SPATS1: variants seen among roughly 807,000 people sequenced by gnomAD.
The protein encoded by SPATS1 is spermatogenesis associated serine rich 1, also known as spermatogenesis-associated serine-rich protein 1.
Under a neutral mutation model 33.6 loss-of-function variants are expected in SPATS1, and 23 were observed. That is an observed-to-expected ratio of 0.68 (90% CI 0.49 to 0.97). SPATS1 has a LOEUF of 0.97. Ranked by LOEUF, SPATS1 falls within the 50% of genes least tolerant of loss-of-function variation. SPATS1 has a pLI of 0.00. For missense variants in SPATS1, 327 were observed against 361.0 expected, an observed-to-expected ratio of 0.91 and a Z score of 0.76; for synonymous variants, 131 against 125.6, an observed-to-expected ratio of 1.04 and a Z score of -0.29.
chr6:44,362,138 G>C (rs1442892766), intron 5 of SPATS1, 146 bp downstream of exon 5: 2 of 1,011,708 alleles, frequency 2.0e-6, no homozygotes, highest in Non-Finnish European at 2.9e-6. Context: ...AAAAGTGAAG[G>C]GGACAGTTTG....
At position 44,367,722 on chromosome 6, in the gene SPATS1, A is replaced by G. The variant is rs144593713; in HGVS notation, c.575-657A>G. On this transcript the variant is annotated intron_variant, in intron 5 of 8. Transcript: ENST00000674044. ...GTTGATTTATTTATTTTAAATTTTA[A>G]TTTTTTAAATAGGCAATTTTAAGGA... 2.1e-3 allele frequency among the ~76,000 whole-genome samples: 317 copies of G among 152,256 alleles called. 2 individuals are homozygous for G. The highest frequency in any genetic ancestry group is 4.1e-3 in the Admixed American group (62 of 15,308).
intron 3 of SPATS1, among the ~76,000 whole-genome samples, chr6:44,355,108 C>T (rs1040752728): frequency 1.3e-5 from 2 of 152,204 alleles, no homozygotes; most frequent in South Asian, 2.1e-4. Context: ...CCACTGCTCC[C>T]AGCACATTAT....
chr6:44,348,453 C>CTT (rs549931034), intron 2 of SPATS1, among the ~76,000 whole-genome samples: 1 of 148,838 alleles, frequency 6.7e-6, no homozygotes, highest in Admixed American at 6.7e-5. Context: ...AGGGGTTACT[C>CTT]TTTTTTTTTT....
Position 44,369,998 on chromosome 6 carries a change from C to T in SPATS1, c.696-53C>T, listed in dbSNP as rs1367047664. On this transcript the variant is annotated intron_variant, in intron 6 of 8. Transcript: ENST00000674044. ...CTATTGAATACAATGATGTATTGAT[C>T]TCTTTGCTGTAGATGGCATACCAGT... is the stretch of plus-strand genomic sequence containing the variant. The T allele has an allele frequency of 1.5e-5, 20 of 1,350,510 alleles. No homozygotes were observed. In the South Asian group the frequency reaches 2.1e-4, roughly 14 times the overall value. The allele number at this position is 1,350,510 out of a possible 1,614,324, so 83.7% of individuals were successfully genotyped here.
chr6:44,373,008 AT>A (rs1789717703), intron 7 of SPATS1, among the ~76,000 whole-genome samples: 1 of 152,174 alleles, frequency 6.6e-6, no homozygotes, highest in Non-Finnish European at 1.5e-5. Context: ...TTGTGAGCCC[AT>A]TCAGTTCCCA....
In SPATS1 at chr6:44,379,599, C is replaced by CAAAAAAAAAAA. The variant is rs55976441; in HGVS notation, c.*2554_*2564dup. On this transcript the variant is annotated 3_prime_UTR_variant, in exon 9 of 9. Coordinates refer to ENST00000674044, the MANE Select transcript of SPATS1 (RefSeq NM_001372081.1). ...TGGGCAACAGAGTGAGACTCTGTCT[C>CAAAAAAAAAAA]AAAAAAAAAAAAAAAAAAAAAAAAA... Among the ~76,000 whole-genome samples, 122 of 54,728 alleles carry CAAAAAAAAAAA rather than the reference C, an allele frequency of 2.2e-3. No homozygotes were observed. Among genetic ancestry groups the CAAAAAAAAAAA allele is most frequent in the Non-Finnish European group, 2.9e-3 (92 of 32,082 alleles). 35.9% of individuals were successfully genotyped at this position (54,728 alleles called of 152,430 possible).
At chr6:44,371,980 G>A (rs577383438) in intron 7 of SPATS1, among the ~76,000 whole-genome samples, 37 of 148,562 alleles carry the variant, frequency 2.5e-4, no homozygotes, top group African/African-American at 9.0e-4. Context: ...GTTTGCAGCC[G>A]GGCATGATGG....
intron 3 of SPATS1, among the ~76,000 whole-genome samples, chr6:44,356,462 A>T (rs10948134): frequency 0.78 from 119,172 of 152,186 alleles, 46,763 homozygotes; most frequent in Admixed American, 0.81. Flanking sequence ...AGGTCAGGAA[A>T]CTGAGTATAA....
intron 8 of SPATS1, 100 bp downstream of exon 8, chr6:44,376,573 G>A (rs1303709468): frequency 1.3e-5 from 10 of 755,826 alleles, no homozygotes; most frequent in East Asian, 5.8e-5. Flanking sequence ...AGGCCGAGGC[G>A]GGCAGATCAC....
chr6:44,367,689 G>A (rs1304229257), intron 5 of SPATS1, among the ~76,000 whole-genome samples: 1 of 152,218 alleles, frequency 6.6e-6, no homozygotes, highest in African/African-American at 2.4e-5. Context: ...TCTGGTGTAA[G>A]TGTGTGGGTT....
intron 7 of SPATS1, among the ~76,000 whole-genome samples, chr6:44,374,283 G>T (rs1425845282): frequency 1.3e-5 from 2 of 152,126 alleles, no homozygotes; most frequent in Non-Finnish European, 2.9e-5. Flanking sequence ...CCTTACTTTT[G>T]TTCACTTGGC....
chr6:44,360,077 G>C (rs566041048), intron 3 of SPATS1, among the ~76,000 whole-genome samples: 127 of 152,246 alleles, frequency 8.3e-4, no homozygotes, highest in African/African-American at 2.8e-3. Flanking sequence ...CAGAATTACT[G>C]AGTCTTATGG....
chr6:44,358,400 G>A (rs1271524108), intron 3 of SPATS1, among the ~76,000 whole-genome samples: 1 of 152,116 alleles, frequency 6.6e-6, no homozygotes, highest in African/African-American at 2.4e-5. Context: ...CTGCTAGGAA[G>A]TTCAGCGCTA....
rs753421139 is a variant in SPATS1, at chr6:44,370,040, C to T, written c.696-11C>T. 3.7e-6 allele frequency: 6 copies of T among 1,607,872 alleles called. No individual in the cohort carries two copies. In the East Asian group the frequency reaches 1.3e-4, roughly 36 times the overall value. ...CATACCAGTTTTATGATTGCCTTTT[C>T]TGTTTTTCAGAGTGCCTTATGAAAA... On this transcript the variant is annotated splice_polypyrimidine_tract_variant and intron_variant, in intron 6 of 8. Transcript: ENST00000674044.
chr6:44,353,617 G>T (rs555795138), intron 3 of SPATS1, among the ~76,000 whole-genome samples: 1 of 152,214 alleles, frequency 6.6e-6, no homozygotes, highest in South Asian at 2.1e-4. Context: ...TGTGTTTTAT[G>T]TACTTTCCCT....
At chr6:44,352,351 A>G (rs1179700915) in intron 2 of SPATS1, among the ~76,000 whole-genome samples, 1 of 151,802 alleles carries the variant, frequency 6.6e-6, no homozygotes, top group East Asian at 1.9e-4. Context: ...TTGGTCTCGA[A>G]CTCCTGACCT....
At chr6:44,346,956 A>C (rs1021067966) in intron 2 of SPATS1, among the ~76,000 whole-genome samples, 5 of 152,200 alleles carry the variant, frequency 3.3e-5, no homozygotes, top group African/African-American at 4.8e-5. Context: ...TTCACATAGC[A>C]AAGACTTGGA....
intron 1 of SPATS1, 114 bp from the exon 2 acceptor site, chr6:44,342,982 C>T (rs1251688033): frequency 1.1e-5 from 15 of 1,392,542 alleles, no homozygotes; most frequent in Non-Finnish European, 1.1e-5. Flanking sequence ...CCAGTCCTGC[C>T]CTCCTGACTT....
At chr6:44,372,695 C>T (rs534461885) in intron 7 of SPATS1, among the ~76,000 whole-genome samples, 12 of 152,238 alleles carry the variant, frequency 7.9e-5, no homozygotes, top group African/African-American at 2.9e-4. Flanking sequence ...CTCTTGACTT[C>T]GTGATCCACC....
Sources: allele counts gnomAD v4.1 joint callset (sites outside exome capture counted in the v4.1 genomes callset), GRCh38; gene constraint gnomAD v4.1.1; transcripts MANE v1.5; gene names NCBI Gene and HGNC (gene_info 2026-07-23, HGNC 2026-07-21).